TAF3: variants seen among roughly 807,000 people sequenced by gnomAD.
The protein encoded by TAF3 is transcription initiation factor TFIID subunit 3.
A neutral mutation model predicts 80.6 loss-of-function variants in TAF3; 7 were observed. The observed-to-expected ratio is 0.09, with a 90% confidence interval of 0.05 to 0.16. The LOEUF (loss-of-function observed/expected upper bound fraction) is 0.16, where lower values mean the gene tolerates loss of function less well. Among genes scored for constraint, TAF3 ranks in the 10% least tolerant of loss-of-function variants. TAF3 has a pLI of 1.00. For missense variants in TAF3, 921 were observed against 1,140.2 expected, an observed-to-expected ratio of 0.81 and a Z score of 2.77; for synonymous variants, 444 against 446.1, an observed-to-expected ratio of 1.00 and a Z score of 0.06.
chr10:7,941,195 C>G (rs1837972718), intron 2 of TAF3, among the ~76,000 whole-genome samples: 1 of 152,184 alleles, frequency 6.6e-6, no homozygotes, highest in Non-Finnish European at 1.5e-5. Flanking sequence ...ATTAATCCAG[C>G]AAGCTGAGTG....
chr10:7,831,308 G>A (rs1244506), intron 2 of TAF3, among the ~76,000 whole-genome samples: 67,059 of 151,620 alleles, frequency 0.44, 14,976 homozygotes, highest in South Asian at 0.53. Context: ...CTCTATCATT[G>A]TGAACTCACA....
At chr10:7,934,814 C>T (rs972690135) in intron 2 of TAF3, among the ~76,000 whole-genome samples, 2 of 152,114 alleles carry the variant, frequency 1.3e-5, no homozygotes, top group Admixed American at 6.5e-5. Flanking sequence ...ACATCAAATG[C>T]GATCAGTTTA....
Position 8,014,997 on chromosome 10 carries a change from C to CACCGAGA in TAF3, c.*246_*247insACCGAGA. On this transcript the variant is annotated 3_prime_UTR_variant, in exon 7 of 7. Coordinates refer to ENST00000344293, the MANE Select transcript of TAF3 (RefSeq NM_031923.4). ...CAGAGGCGTGGCCTGGGGGCTGCCC[C>CACCGAGA]TCCTCCACTTCTCTAATACCAGTGA... 1 of 366,224 alleles carries CACCGAGA rather than the reference C, an allele frequency of 2.7e-6. No individual in the cohort carries two copies. Among genetic ancestry groups the CACCGAGA allele is most frequent in the Non-Finnish European group, 5.0e-6 (1 of 198,224 alleles). 22.7% of individuals were successfully genotyped at this position (366,224 alleles called of 1,614,324 possible).
At chr10:7,979,640 T>TA (rs996405935) in intron 4 of TAF3, among the ~76,000 whole-genome samples, 17 of 152,152 alleles carry the variant, frequency 1.1e-4, no homozygotes, top group African/African-American at 4.1e-4. Flanking sequence ...TATGAAGGAT[T>TA]AATCATTTGA....
intron 2 of TAF3, among the ~76,000 whole-genome samples, chr10:7,939,284 A>G (rs2131204458): frequency 6.6e-6 from 1 of 152,326 alleles, no homozygotes; most frequent in South Asian, 2.1e-4. Context: ...CACACTGAAC[A>G]GGTGAGACTT....
At chr10:7,823,972 A>C (rs944577127) in intron 1 of TAF3, among the ~76,000 whole-genome samples, 3 of 150,916 alleles carry the variant, frequency 2.0e-5, no homozygotes, top group African/African-American at 7.3e-5. Context: ...ACAAAACACT[A>C]TTTTATTATT....
At chr10:7,991,728 T>C (rs975356530) in intron 4 of TAF3, among the ~76,000 whole-genome samples, 6 of 152,218 alleles carry the variant, frequency 3.9e-5, no homozygotes, top group Non-Finnish European at 7.4e-5. Context: ...TTTTCCATCC[T>C]ATTTACAAAG....
intron 2 of TAF3, among the ~76,000 whole-genome samples, chr10:7,899,627 C>T (rs999778882): frequency 2.0e-5 from 3 of 152,086 alleles, no homozygotes; most frequent in Non-Finnish European, 4.4e-5. Context: ...CTTCCATTCC[C>T]GTTGATACTG....
At chr10:7,904,922 C>T (rs1467805000) in intron 2 of TAF3, among the ~76,000 whole-genome samples, 2 of 152,106 alleles carry the variant, frequency 1.3e-5, no homozygotes, top group Non-Finnish European at 2.9e-5. Context: ...ACCACCCGCT[C>T]CTCCTCCACA....
intron 2 of TAF3, among the ~76,000 whole-genome samples, chr10:7,882,144 A>G (rs553533616): frequency 3.9e-4 from 60 of 152,348 alleles, no homozygotes; most frequent in African/African-American, 1.4e-3. Context: ...AACAATTATA[A>G]ATTTCAAGAT....
In TAF3 at chr10:7,963,449, C is replaced by T. The variant is rs184793555; in HGVS notation, c.410-471C>T. Reference sequence around the variant, plus strand: ...GGACAATGATCAATTTGTACATCTGCTGTTACTGACTGCCACTCTTTTAAG... The same window carrying T: ...GGACAATGATCAATTTGTACATCTGTTGTTACTGACTGCCACTCTTTTAAG... On this transcript the variant is annotated intron_variant, in intron 2 of 6. Transcript: ENST00000344293. Among the ~76,000 whole-genome samples, 17 of 152,342 alleles carry T rather than the reference C, an allele frequency of 1.1e-4. No individual in the cohort carries two copies. The East Asian group carries it at 3.1e-3, about 28-fold the overall frequency.
chr10:7,849,188 CT>C (rs1588523096), intron 2 of TAF3, among the ~76,000 whole-genome samples: 2 of 151,366 alleles, frequency 1.3e-5, no homozygotes, highest in East Asian at 3.9e-4. Flanking sequence ...CTTTTTTTTT[CT>C]TATAGATGAG....
At chr10:7,850,626 A>G (rs962403383) in intron 2 of TAF3, among the ~76,000 whole-genome samples, 18 of 151,942 alleles carry the variant, frequency 1.2e-4, no homozygotes, top group Non-Finnish European at 2.5e-4. Flanking sequence ...CAGTGAGCTG[A>G]GATGGTGCCA....
At chr10:7,950,105 A>T (rs1838067715) in intron 2 of TAF3, among the ~76,000 whole-genome samples, 1 of 152,236 alleles carries the variant, frequency 6.6e-6, no homozygotes, top group Admixed American at 6.5e-5. Context: ...CAGAAGGCAG[A>T]TGTGGTTCCC....
chr10:7,860,422 G>A (rs896527382), intron 2 of TAF3, among the ~76,000 whole-genome samples: 2 of 152,068 alleles, frequency 1.3e-5, no homozygotes, highest in Non-Finnish European at 2.9e-5. Context: ...CCCAATCACA[G>A]CCTCTTCTTT....
rs970851362 is a variant in TAF3 at position 7,822,365 on chromosome 10, A to C, written c.167-1953A>C. On this transcript the variant is annotated intron_variant, in intron 1 of 6. Coordinates refer to ENST00000344293, the MANE Select transcript of TAF3 (RefSeq NM_031923.4). ...ATTATTATATTTTTTAGACTGAGAGAGTAATAATAGCTTTAATAGGAATAG... is the reference window on the plus strand; with the variant it reads ...ATTATTATATTTTTTAGACTGAGAGCGTAATAATAGCTTTAATAGGAATAG... 2.0e-5 allele frequency among the ~76,000 whole-genome samples: 3 copies of C among 152,080 alleles called. No homozygotes were observed. In the East Asian group the frequency reaches 5.8e-4, roughly 29 times the overall value.
intron 2 of TAF3, among the ~76,000 whole-genome samples, chr10:7,841,926 G>A (rs914471534): frequency 2.0e-5 from 3 of 151,898 alleles, no homozygotes; most frequent in Admixed American, 6.6e-5. Flanking sequence ...AACATGACAC[G>A]AACCTCGTAC....
At chr10:7,863,339 G>A (rs1383354724) in intron 2 of TAF3, among the ~76,000 whole-genome samples, 5 of 151,968 alleles carry the variant, frequency 3.3e-5, no homozygotes, top group Non-Finnish European at 7.4e-5. Context: ...GGCTGGGCAT[G>A]ACAGGTCACA....
chr10:7,946,134 G>T (rs1054937072), intron 2 of TAF3, among the ~76,000 whole-genome samples: 1 of 152,082 alleles, frequency 6.6e-6, no homozygotes, highest in South Asian at 2.1e-4. Flanking sequence ...CATCTTTCTC[G>T]AAACTAGATC....
Sources: gnomAD v4.1 joint callset for allele counts (sites outside exome capture counted in the v4.1 genomes callset) on GRCh38, gnomAD v4.1.1 for gene constraint, MANE v1.5 for transcripts, NCBI Gene and HGNC (gene_info 2026-07-23, HGNC 2026-07-21) for gene names.